The following DLC1 variants were observed in gnomAD, a reference collection of about 807,000 sequenced individuals.
DLC1 encodes rho GTPase-activating protein 7.
A neutral mutation model predicts 140.3 loss-of-function variants in DLC1; 54 were observed. That is an observed-to-expected ratio of 0.38 (90% CI 0.31 to 0.48). The LOEUF (loss-of-function observed/expected upper bound fraction) is 0.48. Ranked by LOEUF, DLC1 falls within the 20% of genes least tolerant of loss-of-function variation. The pLI, the probability that DLC1 is intolerant of heterozygous loss-of-function variation, is 0.96. For missense variants in DLC1, 2,536 were observed against 1,907.0 expected (o/e 1.33, Z -6.14); for synonymous variants, 986 against 728.1 (o/e 1.35, Z -5.70).
At chr8:13,273,853 G>C (rs1031631643) in intron 5 of DLC1, among the ~76,000 whole-genome samples, 2 of 152,018 alleles carry the variant, frequency 1.3e-5, no homozygotes, top group African/African-American at 4.8e-5. Flanking sequence ...CTTTGATTAG[G>C]TGAAAGAAAC....
intron 5 of DLC1, among the ~76,000 whole-genome samples, chr8:13,243,498 A>G (rs554999553): frequency 6.6e-6 from 1 of 152,256 alleles, no homozygotes; most frequent in South Asian, 2.1e-4. Context: ...GTAGTTTTGT[A>G]CAGCCATGTG....
intron 4 of DLC1, among the ~76,000 whole-genome samples, chr8:13,359,057 G>A (rs1353173610): frequency 6.6e-6 from 1 of 152,110 alleles, no homozygotes; most frequent in African/African-American, 2.4e-5. Context: ...TCCTGCCTCA[G>A]CCTCCCAGGT....
In DLC1 at chr8:13,305,289, A is replaced by T. The variant is rs746073915; in HGVS notation, c.1328T>A (p.Ile443Asn). The T allele has an allele frequency of 1.9e-6, 3 of 1,606,836 alleles. No individual in the cohort carries two copies. In the Admixed American group the frequency reaches 5.0e-5, roughly 27 times the overall value. Reference protein sequence around the residue: ...TKPKTTAIQGISEKEKAEIEA... With the variant: ...TKPKTTAIQGNSEKEKAEIEA... ...CTTACCAGCCTTTTCCTTCTCTGAA[A>T]TACCTTGAATAGCCTGAAAAAAAAG... Residue 443 changes from isoleucine to asparagine, a missense_variant, in exon 5 of 18, where the codon ATT becomes AAT. By Grantham distance (149) the Ile-to-Asn change is moderately radical (BLOSUM62 -3). Transcript: ENST00000276297.
intron 5 of DLC1, among the ~76,000 whole-genome samples, chr8:13,132,344 C>G (rs1822175726): frequency 6.6e-6 from 1 of 151,474 alleles, no homozygotes; most frequent in Admixed American, 6.6e-5. Context: ...CTGGCCAGGT[C>G]TGAGTTAATT....
intron 5 of DLC1, among the ~76,000 whole-genome samples, chr8:13,221,932 A>T (rs935494697): frequency 6.9e-6 from 1 of 145,172 alleles, no homozygotes. Context: ...AAAGTTATAT[A>T]TAATATATAA....
At chr8:13,544,767 A>C (rs1366577932) in intron 1 of DLC1, among the ~76,000 whole-genome samples, 5 of 152,212 alleles carry the variant, frequency 3.3e-5, no homozygotes, top group Non-Finnish European at 7.3e-5. Context: ...GTCCATTAAA[A>C]AAGCTAAAAA....
Position 13,399,985 on chromosome 8 carries a change from C to T in DLC1, c.1173+1485G>A, listed in dbSNP as rs552083935. 2.1e-3 allele frequency among the ~76,000 whole-genome samples: 324 copies of T among 152,072 alleles called. 1 individual carries two copies. Among genetic ancestry groups the T allele is most frequent in the African/African-American group, 7.0e-3 (289 of 41,442 alleles). ...GGGTCAGTGCTCCTTGGTAGATGGT[C>T]CAGGTCCTAATCCTGCCATTATAAT... On this transcript the variant is annotated intron_variant, in intron 3 of 17. Coordinates refer to ENST00000276297, the MANE Select transcript of DLC1 (RefSeq NM_182643.3).
intron 1 of DLC1, among the ~76,000 whole-genome samples, chr8:13,594,975 G>A (rs1170936414): frequency 6.6e-6 from 1 of 150,818 alleles, no homozygotes; most frequent in African/African-American, 2.4e-5. Context: ...CTATTTTCTT[G>A]TGAATTTCTA....
upstream of DLC1, among the ~76,000 whole-genome samples, chr8:13,519,219 C>T (rs1416586554): frequency 6.6e-6 from 1 of 151,374 alleles, no homozygotes; most frequent in Non-Finnish European, 1.5e-5. Flanking sequence ...GCTCCGCCTC[C>T]TAGGTTCACG....
At chr8:13,339,603 AAGGAGAGT>A (rs1833948554) in intron 4 of DLC1, 1 of 152,212 alleles carries the variant, frequency 6.6e-6, no homozygotes, top group Non-Finnish European at 1.5e-5. Flanking sequence ...GTTTTGAAAT[AAGGAGAGT>A]AGGTGGCTTT....
intron 5 of DLC1, among the ~76,000 whole-genome samples, chr8:13,148,483 T>C (rs1823589541): frequency 6.6e-6 from 1 of 152,212 alleles, no homozygotes; most frequent in African/African-American, 2.4e-5. Context: ...TGTGGCTGCA[T>C]AGTATTCCAT....
intron 5 of DLC1, among the ~76,000 whole-genome samples, chr8:13,196,706 G>T (rs557415731): frequency 1.3e-3 from 203 of 152,274 alleles, no homozygotes; most frequent in African/African-American, 4.6e-3. Flanking sequence ...ATCCTTCGGG[G>T]CTAAGAGAAC....
chr8:13,574,261 C>T (rs1303198418), intron 1 of DLC1, among the ~76,000 whole-genome samples: 1 of 152,044 alleles, frequency 6.6e-6, no homozygotes, highest in Non-Finnish European at 1.5e-5. Context: ...TCACTTTAAA[C>T]AATTAACATA....
At chr8:13,384,781 C>T (rs1052001653) in intron 4 of DLC1, among the ~76,000 whole-genome samples, 1 of 152,086 alleles carries the variant, frequency 6.6e-6, no homozygotes, top group Non-Finnish European at 1.5e-5. Context: ...TTCTTATTGT[C>T]TGTCCAGTCC....
chr8:13,315,667 G>A (rs1188129), intron 4 of DLC1, among the ~76,000 whole-genome samples: 4,962 of 152,178 alleles, frequency 0.033, 250 homozygotes, highest in African/African-American at 0.11. Flanking sequence ...CTAAGTCCCC[G>A]TATTTTGTTT....
chr8:13,345,062 C>A (rs914401081), intron 4 of DLC1, among the ~76,000 whole-genome samples: 1 of 152,080 alleles, frequency 6.6e-6, no homozygotes, highest in Non-Finnish European at 1.5e-5. Context: ...TAGGGTGAGT[C>A]CCTTCCCTGG....
intron 1 of DLC1, among the ~76,000 whole-genome samples, chr8:13,513,469 A>T (rs1802466457): frequency 6.6e-6 from 1 of 152,066 alleles, no homozygotes; most frequent in Admixed American, 6.6e-5. Context: ...CTATATAAAA[A>T]CTTATAATGA....
At chr8:13,547,270 T>G (rs977164360) in intron 1 of DLC1, among the ~76,000 whole-genome samples, 4 of 152,114 alleles carry the variant, frequency 2.6e-5, no homozygotes, top group African/African-American at 7.2e-5. Flanking sequence ...AAATTATTAA[T>G]ATTTTCATAG....
intron 5 of DLC1, among the ~76,000 whole-genome samples, chr8:13,289,621 G>A (rs183275339): frequency 1.9e-4 from 29 of 152,286 alleles, no homozygotes; most frequent in African/African-American, 7.0e-4. Flanking sequence ...ATAAGCCACT[G>A]TGACCAGACA....
Sources: gnomAD v4.1 joint callset for allele counts (sites outside exome capture counted in the v4.1 genomes callset) on GRCh38, gnomAD v4.1.1 for gene constraint, MANE v1.5 for transcripts, NCBI Gene and HGNC (gene_info 2026-07-23, HGNC 2026-07-21) for gene names.